The following FHIT variants were observed in gnomAD, a reference collection of about 807,000 sequenced individuals.
FHIT encodes the protein bis(5'-adenosyl)-triphosphatase.
A neutral mutation model predicts 17.9 loss-of-function variants in FHIT; 19 were observed. That is an observed-to-expected ratio of 1.06 (90% CI 0.74 to 1.56). The LOEUF is 1.56. Among genes scored for constraint, FHIT ranks in the 40% most tolerant of loss-of-function variants. The pLI, the probability that FHIT is intolerant of heterozygous loss-of-function variation, is 0.00. For missense variants in FHIT, 248 were observed against 189.2 expected, an observed-to-expected ratio of 1.31 and a Z score of -1.82; for synonymous variants, 81 against 69.7, an observed-to-expected ratio of 1.16 and a Z score of -0.81.
intron 8 of FHIT, among the ~76,000 whole-genome samples, chr3:59,787,700 CAAG>C (rs1427310188): frequency 2.6e-5 from 4 of 152,180 alleles, no homozygotes; most frequent in South Asian, 4.1e-4. Context: ...AAGCACTTTG[CAAG>C]AAGGATAACA....
intron 5 of FHIT, among the ~76,000 whole-genome samples, chr3:60,155,040 A>AATAC (rs1700621028): frequency 6.6e-6 from 1 of 151,998 alleles, no homozygotes; most frequent in Non-Finnish European, 1.5e-5. Context: ...GTTTTACAAA[A>AATAC]AAAAATTAGC....
Position 60,489,249 on chromosome 3 carries a change from G to A in FHIT, c.103+47611C>T, listed in dbSNP as rs550275583. Among the ~76,000 whole-genome samples the A allele has an allele frequency of 1.3e-4, 20 of 152,188 alleles. No homozygotes were observed. The South Asian group carries it at 4.2e-3, about 32-fold the overall frequency. On this transcript the variant is annotated intron_variant, in intron 5 of 9. Coordinates refer to ENST00000492590, the MANE Select transcript of FHIT (RefSeq NM_002012.4). ...CTAATTGGAAATTTTTAAAAATCCA[G>A]CTCAAGTTGCAATTCACAGAGGTGG...
chr3:60,817,189 A>T (rs782631543), intron 4 of FHIT, among the ~76,000 whole-genome samples: 1 of 152,072 alleles, frequency 6.6e-6, no homozygotes, highest in Non-Finnish European at 1.5e-5. Flanking sequence ...AGTCATATGG[A>T]TTACATCTGT....
chr3:60,148,518 G>C (rs145335029), intron 5 of FHIT, among the ~76,000 whole-genome samples: 195 of 152,192 alleles, frequency 1.3e-3, no homozygotes, highest in Admixed American at 4.9e-3. Flanking sequence ...TATAGTCTTG[G>C]TAACATCTTT....
intron 3 of FHIT, among the ~76,000 whole-genome samples, chr3:60,953,084 A>C (rs1183362676): frequency 6.6e-6 from 1 of 152,212 alleles, no homozygotes; most frequent in Non-Finnish European, 1.5e-5. Flanking sequence ...TGAAAGCTGA[A>C]AGTTCACTCT....
chr3:60,602,044 TTTGGAAGACA>T (rs2038460783), intron 4 of FHIT, among the ~76,000 whole-genome samples: 2 of 148,382 alleles, frequency 1.3e-5, no homozygotes, highest in African/African-American at 4.9e-5. Context: ...TAAGCATTAA[TTTGGAAGACA>T]GATAGAGTAA....
intron 2 of FHIT, among the ~76,000 whole-genome samples, chr3:61,052,464 T>C (rs1279098464): frequency 6.6e-6 from 1 of 152,190 alleles, no homozygotes; most frequent in African/African-American, 2.4e-5. Flanking sequence ...AATACACAAG[T>C]GTTACATGAA....
chr3:60,072,323 T>C (rs904219053), intron 5 of FHIT, among the ~76,000 whole-genome samples: 1 of 152,214 alleles, frequency 6.6e-6, no homozygotes, highest in African/African-American at 2.4e-5. Context: ...TTGGTGCTAA[T>C]GTTAAGAACA....
intron 4 of FHIT, among the ~76,000 whole-genome samples, chr3:60,627,805 A>T (rs1553681407): frequency 6.6e-6 from 1 of 152,232 alleles, no homozygotes; most frequent in Non-Finnish European, 1.5e-5. Flanking sequence ...TATAGGCGTG[A>T]GCCACTGCGC....
At chr3:60,468,671 GATTC>G (rs1332020127) in intron 5 of FHIT, among the ~76,000 whole-genome samples, 1 of 152,066 alleles carries the variant, frequency 6.6e-6, no homozygotes, top group South Asian at 2.1e-4. Context: ...ATTTTTGATA[GATTC>G]ATTGTTTAGT....
intron 4 of FHIT, among the ~76,000 whole-genome samples, chr3:60,658,376 A>G (rs2040165129): frequency 6.6e-6 from 1 of 151,860 alleles, no homozygotes; most frequent in East Asian, 1.9e-4. Flanking sequence ...TTCCTGCATC[A>G]CTGTCTTCTT....
At chr3:61,187,844 C>T (rs373584699) in intron 2 of FHIT, among the ~76,000 whole-genome samples, 1 of 152,220 alleles carries the variant, frequency 6.6e-6, no homozygotes, top group Admixed American at 6.5e-5. Flanking sequence ...GAGTACATCA[C>T]GAAATGAAGG....
intron 5 of FHIT, among the ~76,000 whole-genome samples, chr3:60,484,678 A>C (rs1207869368): frequency 1.3e-5 from 2 of 152,040 alleles, no homozygotes; most frequent in Admixed American, 6.5e-5. Flanking sequence ...CTCAAGATGG[A>C]TTAAAGACTT....
At chr3:60,125,102 T>A (rs1380332244) in intron 5 of FHIT, among the ~76,000 whole-genome samples, 1 of 152,188 alleles carries the variant, frequency 6.6e-6, no homozygotes. Context: ...CTAAACCAGC[T>A]GCACAATCCA....
intron 3 of FHIT, among the ~76,000 whole-genome samples, chr3:60,903,511 A>C (rs1706230838): frequency 6.6e-6 from 1 of 152,262 alleles, no homozygotes; most frequent in Non-Finnish European, 1.5e-5. Context: ...GATGGAAGGC[A>C]TGAAGCAAAC....
intron 5 of FHIT, among the ~76,000 whole-genome samples, chr3:60,356,845 C>T (rs1034822838): frequency 6.8e-6 from 1 of 146,430 alleles, no homozygotes; most frequent in Non-Finnish European, 1.5e-5. Context: ...AAATACTTCT[C>T]TTAGGTCTTC....
chr3:60,079,224 C>T (rs894939083), intron 5 of FHIT, among the ~76,000 whole-genome samples: 9 of 152,106 alleles, frequency 5.9e-5, no homozygotes, highest in Non-Finnish European at 1.0e-4. Context: ...TTTGGGGGCA[C>T]CCGAGGTGAT....
intron 5 of FHIT, among the ~76,000 whole-genome samples, chr3:60,068,462 T>C (rs1289734207): frequency 6.6e-6 from 1 of 152,174 alleles, no homozygotes; most frequent in Non-Finnish European, 1.5e-5. Context: ...CCAGACATCA[T>C]GTTGGCTCCA....
intron 5 of FHIT, among the ~76,000 whole-genome samples, chr3:60,265,671 T>C (rs1399178841): frequency 6.6e-6 from 1 of 151,900 alleles, no homozygotes; most frequent in Non-Finnish European, 1.5e-5. Flanking sequence ...TATATGCAAA[T>C]CACATATCTG....
Sources: gnomAD v4.1 joint callset for allele counts (sites outside exome capture counted in the v4.1 genomes callset) on GRCh38, gnomAD v4.1.1 for gene constraint, MANE v1.5 for transcripts, NCBI Gene and HGNC (gene_info 2026-07-23, HGNC 2026-07-21) for gene names.